Variants in ARNT observed in about 807,000 individuals in gnomAD.
ARNT encodes the protein class E basic helix-loop-helix protein 2.
A neutral mutation model predicts 105.0 loss-of-function variants in ARNT; 30 were observed. The observed-to-expected ratio is 0.29, with a 90% CI of 0.21 to 0.39. The LOEUF is 0.39. ARNT is among the 10% of genes least tolerant of loss of function. The pLI is 1.00. For synonymous variants in ARNT, 304 were observed against 344.0 expected (o/e 0.88, Z 1.29); for missense variants, 748 against 978.7 (o/e 0.76, Z 3.15).
chr1:150,823,805 C>T (rs1657622159), intron 13 of ARNT, among the ~76,000 whole-genome samples: 1 of 150,812 alleles, frequency 6.6e-6, no homozygotes, highest in Admixed American at 6.6e-5. Context: ...CCGCCTCGGC[C>T]TCCCAAAGTG....
intron 6 of ARNT, among the ~76,000 whole-genome samples, chr1:150,837,077 A>AG (rs1055610861): frequency 1.1e-4 from 17 of 152,052 alleles, no homozygotes; most frequent in African/African-American, 3.6e-4. Flanking sequence ...CAAAAAAAAA[A>AG]AGGCTTACCA....
Position 150,811,204 on chromosome 1 carries a change from A to G in ARNT, c.*817T>C, listed in dbSNP as rs1166276091. 4.3e-6 allele frequency: 1 copy of G among 233,698 alleles called. No homozygotes were observed. 14.5% of individuals were successfully genotyped at this position (233,698 alleles called of 1,614,324 possible). A position where few individuals can be genotyped will look rare whatever the true frequency, so the allele number is the denominator to read the frequency against. ...CCAGCTTTATCACTGAATGTGTTCG[A>G]TAACAGACAATCGTATCAACAGCCG... is the stretch of plus-strand genomic sequence containing the variant. On this transcript the variant is annotated 3_prime_UTR_variant, in exon 22 of 22. Coordinates refer to ENST00000358595, the MANE Select transcript of ARNT (RefSeq NM_001668.4).
chr1:150,822,134 A>G (rs1431896414), intron 14 of ARNT, among the ~76,000 whole-genome samples: 1 of 152,092 alleles, frequency 6.6e-6, no homozygotes, highest in Non-Finnish European at 1.5e-5. Context: ...CAGGCTATGT[A>G]GCTTATTTTT....
At chr1:150,815,148 A>C (rs1655556123) in intron 19 of ARNT, among the ~76,000 whole-genome samples, 1 of 152,096 alleles carries the variant, frequency 6.6e-6, no homozygotes, top group Non-Finnish European at 1.5e-5. Flanking sequence ...TTTGGTTTTG[A>C]CTTTTTAAAA....
At chr1:150,850,539 C>T (rs898810843) in intron 3 of ARNT, among the ~76,000 whole-genome samples, 1 of 152,258 alleles carries the variant, frequency 6.6e-6, no homozygotes, top group African/African-American at 2.4e-5. Flanking sequence ...CAGCCTCGGC[C>T]TCCCGAGGTG....
intron 3 of ARNT, among the ~76,000 whole-genome samples, chr1:150,849,767 A>C (rs1451073009): frequency 6.6e-6 from 1 of 152,170 alleles, no homozygotes; most frequent in Non-Finnish European, 1.5e-5. Context: ...TGTCTCAAAA[A>C]AATAAGAAGA....
intron 8 of ARNT, among the ~76,000 whole-genome samples, chr1:150,833,138 GCAT>G (rs587714975): frequency 7.8e-4 from 119 of 152,268 alleles, no homozygotes; most frequent in African/African-American, 2.5e-3. Flanking sequence ...TCAGAAGATA[GCAT>G]CAAAGCTAGA....
chr1:150,870,240 T>C (rs1353435162), intron 1 of ARNT, among the ~76,000 whole-genome samples: 46 of 152,192 alleles, frequency 3.0e-4, no homozygotes, highest in Admixed American at 3.0e-3. Context: ...AAAAATTAAA[T>C]GAGAACAGCT....
intron 1 of ARNT, 119 bp downstream of exon 1, chr1:150,876,424 C>T: frequency 6.8e-7 from 1 of 1,469,690 alleles, no homozygotes; most frequent in Non-Finnish European, 9.0e-7. Context: ...TCTCTCGCGG[C>T]CCCCGCCCCG....
At chr1:150,833,858 A>C (rs1557886989) in intron 8 of ARNT, among the ~76,000 whole-genome samples, 1 of 151,598 alleles carries the variant, frequency 6.6e-6, no homozygotes, top group Non-Finnish European at 1.5e-5. Flanking sequence ...GAGGTTTTGT[A>C]GTCAGACTAC....
chr1:150,823,836 C>A (rs1657628284), intron 13 of ARNT, among the ~76,000 whole-genome samples: 1 of 149,492 alleles, frequency 6.7e-6, no homozygotes, highest in Non-Finnish European at 1.5e-5. Flanking sequence ...AAGTGTGAGC[C>A]ACCGTGCCCA....
At chr1:150,847,322 T>C (rs1662410781) in intron 3 of ARNT, among the ~76,000 whole-genome samples, 1 of 151,128 alleles carries the variant, frequency 6.6e-6, no homozygotes, top group African/African-American at 2.4e-5. Context: ...TCCCAGCTAC[T>C]TCGGAGGCTG....
intron 1 of ARNT, among the ~76,000 whole-genome samples, chr1:150,859,327 T>TTAG (rs1189125430): frequency 2.0e-5 from 3 of 150,762 alleles, no homozygotes; most frequent in African/African-American, 7.3e-5. Context: ...GCAGTAACCA[T>TTAG]TAGTAACAGC....
chr1:150,868,025 T>C (rs1200374130), intron 1 of ARNT, among the ~76,000 whole-genome samples: 1 of 152,170 alleles, frequency 6.6e-6, no homozygotes, highest in Non-Finnish European at 1.5e-5. Context: ...AGTGTGAGAA[T>C]GGACTAATAC....
At chr1:150,828,420 ATTGTC>A (rs746701385) in intron 12 of ARNT, among the ~76,000 whole-genome samples, 1 of 147,544 alleles carries the variant, frequency 6.8e-6, no homozygotes. Context: ...TATCCATTGA[ATTGTC>A]TTGTCACCTT....
intron 19 of ARNT, among the ~76,000 whole-genome samples, chr1:150,815,505 C>T (rs1294970600): frequency 6.8e-6 from 1 of 147,578 alleles, no homozygotes; most frequent in African/African-American, 2.5e-5. Flanking sequence ...GCCGAGATCG[C>T]GCCACTGCAC....
At chr1:150,846,685 C>T (rs970252253) in intron 3 of ARNT, among the ~76,000 whole-genome samples, 5 of 152,010 alleles carry the variant, frequency 3.3e-5, no homozygotes, top group Admixed American at 2.6e-4. Context: ...TAGTGCTAAC[C>T]ATATTCACAT....
In ARNT at chr1:150,858,351, T is replaced by C. The variant is rs756645493; in HGVS notation, c.135A>G (p.Pro45=). ...AIVQRAIKRR[P]GLDFDDDGEG... Reference sequence around the variant, plus strand: ...TAACACACTACACTCAAACTCACCCTGGTCGCCGCTTAATAGCCCTCTGGA... The same window carrying C: ...TAACACACTACACTCAAACTCACCCCGGTCGCCGCTTAATAGCCCTCTGGA... The change falls in exon 2 of 22, where the codon CCA becomes CCG. Residue 45 remains proline, a splice_region_variant and synonymous_variant. Coordinates refer to ENST00000358595, the MANE Select transcript of ARNT (RefSeq NM_001668.4). 7 of 1,603,120 alleles carry C rather than the reference T, an allele frequency of 4.4e-6. No individual in the cohort carries two copies. The African/African-American group carries it at 9.4e-5, about 21-fold the overall frequency.
chr1:150,831,580 C>A (rs948441502), intron 10 of ARNT: 10 of 463,634 alleles, frequency 2.2e-5, no homozygotes, highest in Non-Finnish European at 3.4e-5. Flanking sequence ...CACATAAAAA[C>A]CACATTCTGT....
Sources: allele counts gnomAD v4.1 joint callset (sites outside exome capture counted in the v4.1 genomes callset), GRCh38; gene constraint gnomAD v4.1.1; transcripts MANE v1.5; gene names NCBI Gene and HGNC (gene_info 2026-07-23, HGNC 2026-07-21).